ECT2: variants seen among roughly 807,000 people sequenced by gnomAD.
ECT2 encodes the protein protein ECT2.
A neutral mutation model predicts 116.9 loss-of-function variants in ECT2; 61 were observed. The observed-to-expected ratio is 0.52, with a 90% CI of 0.42 to 0.65. The LOEUF (loss-of-function observed/expected upper bound fraction) is 0.65. ECT2 is among the 30% of genes least tolerant of loss of function. The pLI, the probability that ECT2 is intolerant of heterozygous loss-of-function variation, is 0.00. For missense variants in ECT2, 937 were observed against 1,078.7 expected (o/e 0.87, Z 1.84); for synonymous variants, 358 against 346.4 (o/e 1.03, Z -0.37).
At chr3:172,789,940 T>A (rs967102275) in intron 18 of ECT2, among the ~76,000 whole-genome samples, 4 of 152,194 alleles carry the variant, frequency 2.6e-5, no homozygotes, top group African/African-American at 9.7e-5. Flanking sequence ...CCATAAGGAT[T>A]GGAATCAACT....
chr3:172,788,297 C>A (rs1039357167), intron 18 of ECT2, among the ~76,000 whole-genome samples: 1 of 152,154 alleles, frequency 6.6e-6, no homozygotes, highest in Admixed American at 6.5e-5. Flanking sequence ...AAATTGAATT[C>A]TAACAACATC....
intron 12 of ECT2, among the ~76,000 whole-genome samples, chr3:172,767,922 AG>A (rs1237402415): frequency 6.6e-6 from 1 of 151,918 alleles, no homozygotes; most frequent in African/African-American, 2.4e-5. Flanking sequence ...AGTAGAGATG[AG>A]GTTTCACCAT....
intron 12 of ECT2, among the ~76,000 whole-genome samples, chr3:172,768,216 A>T (rs1490145430): frequency 6.6e-6 from 1 of 152,074 alleles, no homozygotes. Flanking sequence ...CGTTATTGTA[A>T]TTGTGTAATC....
rs561728940 is a variant in ECT2, at chr3:172,820,928, T to C, written c.*691T>C. ...GTATATTTTGCAAAAACAAGATGTT[T>C]GTAGCTGTTTCAGAGAGAGTACGGT... On this transcript the variant is annotated 3_prime_UTR_variant, in exon 25 of 25. Transcript: ENST00000392692. 6.6e-6 allele frequency: 1 copy of C among 152,038 alleles called. No homozygotes were observed. The highest frequency in any genetic ancestry group is 6.6e-5 in the Admixed American group (1 of 15,258). The allele number at this position is 152,038 out of a possible 1,614,324, so 9.4% of individuals were successfully genotyped here. A position where few individuals can be genotyped will look rare whatever the true frequency, so the allele number is the denominator to read the frequency against.
At chr3:172,800,995 A>G (rs1023204468) in intron 18 of ECT2, among the ~76,000 whole-genome samples, 1 of 152,206 alleles carries the variant, frequency 6.6e-6, no homozygotes, top group Non-Finnish European at 1.5e-5. Flanking sequence ...AGTAAATAAG[A>G]TCTTTCAAAA....
At chr3:172,778,211 C>T (rs966604060) in intron 14 of ECT2, among the ~76,000 whole-genome samples, 8 of 152,176 alleles carry the variant, frequency 5.3e-5, no homozygotes, top group African/African-American at 1.7e-4. Context: ...CTTGCCCAGG[C>T]TTTGGAATCT....
intron 1 of ECT2, among the ~76,000 whole-genome samples, chr3:172,751,565 C>T (rs1486083067): frequency 1.3e-5 from 2 of 152,176 alleles, no homozygotes; most frequent in Non-Finnish European, 2.9e-5. Flanking sequence ...AAGTAAATGT[C>T]AGTTGTTAAT....
At chr3:172,794,047 G>T (rs554336325) in intron 18 of ECT2, among the ~76,000 whole-genome samples, 98 of 151,428 alleles carry the variant, frequency 6.5e-4, no homozygotes, top group Non-Finnish European at 1.1e-3. Flanking sequence ...CCTAGTTTCT[G>T]GCTTGTTTTT....
At chr3:172,760,867 C>T (rs372888107) in intron 7 of ECT2, among the ~76,000 whole-genome samples, 7 of 151,740 alleles carry the variant, frequency 4.6e-5, no homozygotes, top group Admixed American at 6.6e-5. Flanking sequence ...ACTACAGGTG[C>T]GCACCACCAT....
downstream of ECT2, among the ~76,000 whole-genome samples, chr3:172,824,743 G>A (rs903232165): frequency 1.3e-5 from 2 of 152,108 alleles, no homozygotes; most frequent in Admixed American, 6.6e-5. Flanking sequence ...CAATTGCAGA[G>A]TACTCCACTG....
intron 18 of ECT2, among the ~76,000 whole-genome samples, chr3:172,792,719 C>T (rs565248689): frequency 5.3e-5 from 8 of 150,312 alleles, no homozygotes; most frequent in African/African-American, 1.7e-4. Flanking sequence ...TAGGTTTTTC[C>T]TTTTTTTTTG....
chr3:172,776,180 T>C (rs979267616), intron 14 of ECT2, among the ~76,000 whole-genome samples: 3 of 149,484 alleles, frequency 2.0e-5, no homozygotes, highest in Non-Finnish European at 4.4e-5. Flanking sequence ...ACTTCAACTA[T>C]TAGTTTTTCA....
intron 13 of ECT2, among the ~76,000 whole-genome samples, chr3:172,769,412 C>T (rs1720191061): frequency 6.6e-6 from 1 of 152,010 alleles, no homozygotes; most frequent in South Asian, 2.1e-4. Context: ...AAGTTTAATT[C>T]AGAATTTTGC....
intron 12 of ECT2, among the ~76,000 whole-genome samples, chr3:172,766,567 A>G (rs1185038215): frequency 6.6e-6 from 1 of 152,242 alleles, no homozygotes; most frequent in African/African-American, 2.4e-5. Flanking sequence ...TTGGAAAGAA[A>G]AGTAAGAAGC....
chr3:172,806,403 G>A (rs1461194140), intron 21 of ECT2, among the ~76,000 whole-genome samples: 3 of 152,132 alleles, frequency 2.0e-5, no homozygotes, highest in Non-Finnish European at 2.9e-5. Context: ...TAGTGTTACA[G>A]AGCAGGTTCT....
intron 16 of ECT2, among the ~76,000 whole-genome samples, chr3:172,784,377 T>C (rs1272600941): frequency 6.6e-6 from 1 of 152,210 alleles, no homozygotes; most frequent in African/African-American, 2.4e-5. Context: ...ATTTTTTTTC[T>C]TACCAGTTCC....
chr3:172,784,685 T>C (rs761199122), intron 16 of ECT2, 22 bp from the exon 17 acceptor site: 1 of 1,590,924 alleles, frequency 6.3e-7, no homozygotes, highest in Non-Finnish European at 8.6e-7. Flanking sequence ...TTTTTTGAAA[T>C]TGTTGAATAA....
intron 22 of ECT2, among the ~76,000 whole-genome samples, chr3:172,810,263 G>A (rs571706209): frequency 6.6e-6 from 1 of 152,148 alleles, no homozygotes; most frequent in South Asian, 2.1e-4. Flanking sequence ...TACTTTTGCC[G>A]CTACCTTTAT....
intron 18 of ECT2, among the ~76,000 whole-genome samples, chr3:172,796,992 T>C (rs532204616): frequency 3.2e-4 from 48 of 151,168 alleles, no homozygotes; most frequent in Non-Finnish European, 6.3e-4. Flanking sequence ...CTTTTGAAGT[T>C]TCTCAGATTC....
Sources: allele counts gnomAD v4.1 joint callset (sites outside exome capture counted in the v4.1 genomes callset), GRCh38; gene constraint gnomAD v4.1.1; transcripts MANE v1.5; gene names NCBI Gene and HGNC (gene_info 2026-07-23, HGNC 2026-07-21).